Variants in ERC2 observed in about 807,000 individuals in gnomAD.
The protein encoded by ERC2 is ELKS/RAB6-interacting/CAST family member 2, also known as ERC protein 2.
A neutral mutation model predicts 114.8 loss-of-function variants in ERC2; 42 were observed. That is an observed-to-expected ratio of 0.37 (90% CI 0.29 to 0.47). ERC2 has a LOEUF of 0.47. ERC2 is among the 20% of genes least tolerant of loss of function. The pLI is 0.99. For synonymous variants in ERC2, 454 were observed against 425.5 expected, an observed-to-expected ratio of 1.07 and a Z score of -0.82; for missense variants, 939 against 1,150.7, an observed-to-expected ratio of 0.82 and a Z score of 2.66.
At chr3:55,674,540 A>C (rs17055704) in intron 17 of ERC2, among the ~76,000 whole-genome samples, 3,125 of 152,264 alleles carry the variant, frequency 0.021, 113 homozygotes, top group African/African-American at 0.071. Context: ...TGGCTGTAGG[A>C]AGCTCAGATT....
Position 55,950,459 on chromosome 3 carries a change from T to C in ERC2, c.2369A>G (p.Glu790Gly). 1 of 1,614,044 alleles carries C rather than the reference T, an allele frequency of 6.2e-7. No homozygotes were observed. The highest frequency in any genetic ancestry group is 2.2e-5 in the East Asian group (1 of 44,884). The part of the protein sequence containing the change: ...AQLLEEVRRR[E>G]DSMADNSQHL... ...CTGTGAGTTGTCAGCCATGCTGTCTTCTCGCCTGCGCACTTCTTCTAGTAA... is the reference window on the plus strand; with the variant it reads ...CTGTGAGTTGTCAGCCATGCTGTCTCCTCGCCTGCGCACTTCTTCTAGTAA... Residue 790 changes from glutamate (E) to glycine (G), a missense_variant, in exon 13 of 18, where the codon GAA becomes GGA. Physicochemically the swap from Glu to Gly is moderately conservative, Grantham distance 98. Transcript: ENST00000288221.
In ERC2 at chr3:56,147,484, C is replaced by G. The variant is rs147597182; in HGVS notation, c.1305+1493G>C. Among the ~76,000 whole-genome samples the G allele has an allele frequency of 1.6e-4, 24 of 152,286 alleles. No individual in the cohort carries two copies. The East Asian group carries it at 4.1e-3, about 26-fold the overall frequency. ...ACATGCTTGCATACACACACACACA[C>G]GCACACACGTTGTGATGAAGTAAAC... On this transcript the variant is annotated intron_variant, in intron 5 of 17. Transcript: ENST00000288221.
intron 17 of ERC2, among the ~76,000 whole-genome samples, chr3:55,527,687 C>T (rs957952882): frequency 4.6e-5 from 7 of 152,136 alleles, no homozygotes; most frequent in African/African-American, 1.4e-4. Flanking sequence ...CAACAAAGTA[C>T]AGAGGCATGC....
At chr3:56,056,036 AG>A (rs1173176679) in intron 7 of ERC2, among the ~76,000 whole-genome samples, 1 of 152,200 alleles carries the variant, frequency 6.6e-6, no homozygotes, top group Admixed American at 6.5e-5. Context: ...TGTGCAAAGG[AG>A]GGGGCATGAA....
At chr3:55,635,216 A>G (rs1559776381) in intron 17 of ERC2, among the ~76,000 whole-genome samples, 1 of 151,256 alleles carries the variant, frequency 6.6e-6, no homozygotes, top group Non-Finnish European at 1.5e-5. Context: ...CCTTTTTTTG[A>G]CCTCTTATCC....
At chr3:55,769,952 T>C (rs1242528087) in intron 14 of ERC2, among the ~76,000 whole-genome samples, 2 of 152,188 alleles carry the variant, frequency 1.3e-5, no homozygotes, top group African/African-American at 4.8e-5. Flanking sequence ...ATCCCCTCCC[T>C]TTGCCAGGTG....
intron 17 of ERC2, among the ~76,000 whole-genome samples, chr3:55,542,423 C>T (rs7615821): frequency 0.076 from 11,563 of 152,168 alleles, 688 homozygotes; most frequent in African/African-American, 0.16. Context: ...AGCCTTGGGA[C>T]TGGAGAGTAG....
chr3:56,134,910 CTTTTTTTTTG>C (rs1327567349), intron 6 of ERC2, among the ~76,000 whole-genome samples: 9 of 114,258 alleles, frequency 7.9e-5, no homozygotes, highest in African/African-American at 2.4e-4. Flanking sequence ...AAATCTCTCT[CTTTTTTTTTG>C]TTTTTTTTTG....
At chr3:56,440,369 C>T (rs1287676174) in intron 1 of ERC2, among the ~76,000 whole-genome samples, 1 of 152,000 alleles carries the variant, frequency 6.6e-6, no homozygotes, top group African/African-American at 2.4e-5. Flanking sequence ...CGGTGAAACC[C>T]CATCTCTACT....
In ERC2 at chr3:56,311,913, C is replaced by T. The variant is rs139386261; in HGVS notation, c.658-15478G>A. On this transcript the variant is annotated intron_variant, in intron 2 of 17. Transcript: ENST00000288221. ...TGCACAGGTCCTACATCTGAGGTTT[C>T]AACTAACCACGGGTTAAAAATATTT... Among the ~76,000 whole-genome samples, 26 of 150,894 alleles carry T rather than the reference C, an allele frequency of 1.7e-4. No homozygotes were observed. In the East Asian group the frequency reaches 5.1e-3, roughly 29 times the overall value.
intron 13 of ERC2, among the ~76,000 whole-genome samples, chr3:55,949,001 G>A (rs2149440949): frequency 6.6e-6 from 1 of 152,292 alleles, no homozygotes; most frequent in East Asian, 1.9e-4. Flanking sequence ...TGGAGCAGAT[G>A]CAATTATTAT....
chr3:55,809,898 A>C (rs2059649317), intron 14 of ERC2, among the ~76,000 whole-genome samples: 1 of 152,240 alleles, frequency 6.6e-6, no homozygotes, highest in African/African-American at 2.4e-5. Context: ...AGAGCATCTC[A>C]GGTAGAGGAA....
intron 1 of ERC2, among the ~76,000 whole-genome samples, chr3:56,448,749 G>T (rs1327326396): frequency 6.6e-6 from 1 of 152,154 alleles, no homozygotes; most frequent in Non-Finnish European, 1.5e-5. Flanking sequence ...AAATAGGCAT[G>T]GCTGTGTTCC....
chr3:55,520,433 C>CAAA (rs35883947), intron 17 of ERC2, among the ~76,000 whole-genome samples: 18,975 of 108,966 alleles, frequency 0.17, 1,938 homozygotes, highest in Non-Finnish European at 0.21. Context: ...GACTCTGTCT[C>CAAA]AAAAAAAAAA....
intron 2 of ERC2, among the ~76,000 whole-genome samples, chr3:56,366,945 C>T (rs529890705): frequency 5.6e-4 from 86 of 152,276 alleles, no homozygotes; most frequent in Non-Finnish European, 1.2e-3. Flanking sequence ...GTTGGGAGGG[C>T]GCAGATTGCC....
At chr3:56,121,499 C>T (rs372807706) in intron 6 of ERC2, among the ~76,000 whole-genome samples, 2 of 152,030 alleles carry the variant, frequency 1.3e-5, no homozygotes, top group African/African-American at 4.8e-5. Flanking sequence ...TTATGAGTAT[C>T]CTTATGACTT....
At chr3:55,783,583 C>G (rs995496420) in intron 14 of ERC2, among the ~76,000 whole-genome samples, 4 of 152,182 alleles carry the variant, frequency 2.6e-5, no homozygotes, top group African/African-American at 9.7e-5. Context: ...AAAAAACTTT[C>G]CTGCTGCTGC....
chr3:55,911,348 T>C (rs1379916790), intron 13 of ERC2, among the ~76,000 whole-genome samples: 1 of 152,196 alleles, frequency 6.6e-6, no homozygotes, highest in East Asian at 1.9e-4. Flanking sequence ...GAGTGGTTCA[T>C]AAACATCCTG....
chr3:55,999,519 T>C (rs2071866570), intron 10 of ERC2, among the ~76,000 whole-genome samples: 1 of 151,938 alleles, frequency 6.6e-6, no homozygotes, highest in Admixed American at 6.6e-5. Flanking sequence ...AACTATACTA[T>C]AATTCACCAA....
Sources: gnomAD v4.1 joint callset for allele counts (sites outside exome capture counted in the v4.1 genomes callset) on GRCh38, gnomAD v4.1.1 for gene constraint, MANE v1.5 for transcripts, NCBI Gene and HGNC (gene_info 2026-07-23, HGNC 2026-07-21) for gene names.